CFAP299: variants seen among roughly 807,000 people sequenced by gnomAD.
CFAP299 encodes cilia- and flagella-associated protein 299.
Under a neutral mutation model 27.0 loss-of-function variants are expected in CFAP299, and 21 were observed. The ratio of observed to expected loss-of-function variants is 0.78; its 90% CI spans 0.55 to 1.12. The LOEUF is 1.12. Among genes scored for constraint, CFAP299 ranks in the 50% most tolerant of loss-of-function variants. The pLI, the probability that CFAP299 is intolerant of heterozygous loss-of-function variation, is 0.00. For synonymous variants in CFAP299, 104 were observed against 98.1 expected, an observed-to-expected ratio of 1.06 and a Z score of -0.36; for missense variants, 310 against 276.6, an observed-to-expected ratio of 1.12 and a Z score of -0.86.
chr4:80,832,714 A>G (rs1376787828), intron 3 of CFAP299, among the ~76,000 whole-genome samples: 2 of 152,104 alleles, frequency 1.3e-5, no homozygotes, highest in African/African-American at 4.8e-5. Context: ...ACAAAAGCTG[A>G]GGTCTCACTT....
At chr4:80,615,287 C>G (rs1738215439) in intron 3 of CFAP299, among the ~76,000 whole-genome samples, 1 of 152,010 alleles carries the variant, frequency 6.6e-6, no homozygotes, top group South Asian at 2.1e-4. Context: ...ATCTACTGGT[C>G]AAATATTGTT....
chr4:80,346,845 T>A (rs1722755423), intron 1 of CFAP299, among the ~76,000 whole-genome samples: 2 of 152,208 alleles, frequency 1.3e-5, no homozygotes, highest in South Asian at 2.1e-4. Context: ...TGACATTGAA[T>A]CTATAAATTA....
chr4:80,346,431 C>T (rs1722729164), intron 1 of CFAP299, among the ~76,000 whole-genome samples: 1 of 152,084 alleles, frequency 6.6e-6, no homozygotes, highest in East Asian at 1.9e-4. Context: ...GTCTTTAATC[C>T]ATTTTGAATT....
intron 3 of CFAP299, among the ~76,000 whole-genome samples, chr4:80,822,534 A>T (rs1398357276): frequency 6.6e-6 from 1 of 152,148 alleles, no homozygotes; most frequent in Non-Finnish European, 1.5e-5. Flanking sequence ...GTTTTTCACT[A>T]ATGTTTATTC....
rs969498262 is a variant in CFAP299, at chr4:80,460,094, AG to A, written c.242+97212del. ...AGTGATGTGAGAGAGAGAAGAAGAG[AG>A]GCCTTAGCTGGCAAAGGCAGTTTTG... On this transcript the variant is annotated intron_variant, in intron 2 of 5. Coordinates refer to ENST00000358105, the MANE Select transcript of CFAP299 (RefSeq NM_152770.3). Among the ~76,000 whole-genome samples, 118 of 152,306 alleles carry A rather than the reference AG, an allele frequency of 7.7e-4. 2 individuals are homozygous for A. In the South Asian group the frequency reaches 0.024, roughly 31 times the overall value.
intron 3 of CFAP299, among the ~76,000 whole-genome samples, chr4:80,599,115 C>T (rs1737202376): frequency 6.6e-6 from 1 of 152,134 alleles, no homozygotes; most frequent in South Asian, 2.1e-4. Context: ...GCATTTATTT[C>T]AGTTGCAGCA....
At chr4:80,787,353 A>G (rs770971769) in intron 3 of CFAP299, among the ~76,000 whole-genome samples, 1 of 151,490 alleles carries the variant, frequency 6.6e-6, no homozygotes, top group African/African-American at 2.4e-5. Context: ...GTTAATCTGA[A>G]TCTTAGTAAA....
chr4:80,784,523 C>G (rs1727130345), intron 3 of CFAP299, among the ~76,000 whole-genome samples: 1 of 149,896 alleles, frequency 6.7e-6, no homozygotes. Context: ...TCTTTTCTTT[C>G]TTTCTTTTTT....
chr4:80,952,274 T>C (rs918540849), intron 5 of CFAP299, among the ~76,000 whole-genome samples: 10 of 152,134 alleles, frequency 6.6e-5, no homozygotes, highest in Admixed American at 5.2e-4. Context: ...AAGAAATGAA[T>C]GGTAGGGCCA....
chr4:80,402,074 C>A (rs1726191631), intron 2 of CFAP299, among the ~76,000 whole-genome samples: 1 of 152,112 alleles, frequency 6.6e-6, no homozygotes, highest in Non-Finnish European at 1.5e-5. Flanking sequence ...ATACCTGTAC[C>A]CCCATTGCAT....
At chr4:80,948,160 A>T (rs565734200) in intron 5 of CFAP299, among the ~76,000 whole-genome samples, 1 of 152,282 alleles carries the variant, frequency 6.6e-6, no homozygotes, top group South Asian at 2.1e-4. Context: ...GATAAACAGG[A>T]TGTGTTTACT....
chr4:80,415,638 A>T (rs1268347391), intron 2 of CFAP299, among the ~76,000 whole-genome samples: 1 of 152,160 alleles, frequency 6.6e-6, no homozygotes, highest in Non-Finnish European at 1.5e-5. Flanking sequence ...TGCTATAGAC[A>T]TTTGTTCCAA....
chr4:80,848,002 G>C (rs1009153360), intron 3 of CFAP299, among the ~76,000 whole-genome samples: 2 of 152,028 alleles, frequency 1.3e-5, no homozygotes, highest in Non-Finnish European at 2.9e-5. Flanking sequence ...TTGAACTCAG[G>C]AGTTCAAGAA....
intron 2 of CFAP299, among the ~76,000 whole-genome samples, chr4:80,520,325 A>C (rs150840843): frequency 3.9e-5 from 6 of 152,286 alleles, no homozygotes; most frequent in Admixed American, 1.3e-4. Flanking sequence ...GGTGGGGTAT[A>C]CCCATTAGCA....
At chr4:80,956,952 C>T (rs370788862) in intron 5 of CFAP299, among the ~76,000 whole-genome samples, 5 of 152,068 alleles carry the variant, frequency 3.3e-5, no homozygotes, top group South Asian at 4.2e-4. Context: ...TTCTATGATC[C>T]TAACTACTGA....
intron 3 of CFAP299, among the ~76,000 whole-genome samples, chr4:80,844,838 G>A (rs1326149658): frequency 6.6e-6 from 1 of 152,196 alleles, no homozygotes; most frequent in East Asian, 1.9e-4. Context: ...CCATGCCTAT[G>A]TCCTGAATGG....
chr4:80,687,962 G>T (rs1040470488), intron 3 of CFAP299, among the ~76,000 whole-genome samples: 3 of 152,194 alleles, frequency 2.0e-5, no homozygotes, highest in Non-Finnish European at 4.4e-5. Context: ...ACTCCCACCC[G>T]AATACTGCGC....
intron 2 of CFAP299, among the ~76,000 whole-genome samples, chr4:80,481,431 C>G (rs1029573483): frequency 1.3e-5 from 2 of 151,984 alleles, no homozygotes; most frequent in African/African-American, 2.4e-5. Flanking sequence ...AGATGTTGTA[C>G]TCAGCTTAGC....
chr4:80,567,750 T>A (rs1052147361), intron 2 of CFAP299, among the ~76,000 whole-genome samples: 37 of 150,628 alleles, frequency 2.5e-4, no homozygotes, highest in Admixed American at 6.6e-4. Flanking sequence ...TATATATATA[T>A]AAGTACATAA....
Sources: allele counts gnomAD v4.1 joint callset (sites outside exome capture counted in the v4.1 genomes callset), GRCh38; gene constraint gnomAD v4.1.1; transcripts MANE v1.5; gene names NCBI Gene and HGNC (gene_info 2026-07-23, HGNC 2026-07-21).